Variants in GPR39 observed in about 807,000 individuals in gnomAD.
GPR39 encodes zinc sensing receptor.
In GPR39, 23 loss-of-function variants were observed where a neutral mutation model predicts 18.4. That is an observed-to-expected ratio of 1.25 (90% CI 0.90 to 1.77). The LOEUF (loss-of-function observed/expected upper bound fraction) is 1.77. Among genes scored for constraint, GPR39 ranks in the 40% most tolerant of loss-of-function variants. GPR39 has a pLI of 0.00. For missense variants in GPR39, 647 were observed against 602.4 expected, an observed-to-expected ratio of 1.07 and a Z score of -0.78; for synonymous variants, 280 against 257.9, an observed-to-expected ratio of 1.09 and a Z score of -0.82.
intron 1 of GPR39, among the ~76,000 whole-genome samples, chr2:132,620,872 C>T (rs1353509494): frequency 6.6e-6 from 1 of 152,194 alleles, no homozygotes; most frequent in African/African-American, 2.4e-5. Flanking sequence ...CCTGCCTCAG[C>T]CTCCCAAGTA....
intron 1 of GPR39, among the ~76,000 whole-genome samples, chr2:132,443,712 A>G (rs939086731): frequency 2.6e-5 from 4 of 152,204 alleles, no homozygotes; most frequent in Non-Finnish European, 5.9e-5. Flanking sequence ...TGATTAGTCA[A>G]TTTGCTGATC....
chr2:132,531,771 G>C (rs1057094993), intron 1 of GPR39, among the ~76,000 whole-genome samples: 1 of 152,130 alleles, frequency 6.6e-6, no homozygotes, highest in Non-Finnish European at 1.5e-5. Context: ...ACAAAATGAA[G>C]GCAGAAATAA....
chr2:132,493,060 C>T (rs62645269), intron 1 of GPR39, among the ~76,000 whole-genome samples: 1,121 of 38,428 alleles, frequency 0.029, 18 homozygotes, highest in African/African-American at 0.074. Context: ...ACCATATATA[C>T]ACCATATATA....
rs1281855058 is a variant in GPR39 at position 132,645,987 on chromosome 2, G to T, written c.*381G>T. Reference sequence around the variant, plus strand: ...AGAAGAAACTCACTCAGGGAGGTGGGGGGTTGGGGGCGAGGGCTGGAAGAA... The same window carrying T: ...AGAAGAAACTCACTCAGGGAGGTGGTGGGTTGGGGGCGAGGGCTGGAAGAA... On this transcript the variant is annotated 3_prime_UTR_variant, in exon 2 of 2. Transcript: ENST00000329321. The T allele has an allele frequency of 7.6e-7, 1 of 1,322,298 alleles. No homozygotes were observed. Among genetic ancestry groups the T allele is most frequent in the African/African-American group, 1.5e-5 (1 of 67,086 alleles). The allele number at this position is 1,322,298 out of a possible 1,614,324, so 81.9% of individuals were successfully genotyped here. A position where few individuals can be genotyped will look rare whatever the true frequency, so the allele number is the denominator to read the frequency against.
At chr2:132,529,443 C>T (rs1289829953) in intron 1 of GPR39, among the ~76,000 whole-genome samples, 1 of 152,230 alleles carries the variant, frequency 6.6e-6, no homozygotes, top group African/African-American at 2.4e-5. Context: ...CACAGACAAA[C>T]AAAAGGCAGC....
chr2:132,565,084 G>A (rs924532719), intron 1 of GPR39, among the ~76,000 whole-genome samples: 1 of 151,990 alleles, frequency 6.6e-6, no homozygotes, highest in Admixed American at 6.6e-5. Flanking sequence ...CTCCCAAAGT[G>A]CTGGGATTAC....
chr2:132,527,051 T>G (rs1679527180), intron 1 of GPR39, among the ~76,000 whole-genome samples: 1 of 152,120 alleles, frequency 6.6e-6, no homozygotes, highest in African/African-American at 2.4e-5. Flanking sequence ...GTCATCTAGG[T>G]TTTAAGCCCC....
chr2:132,513,196 T>A (rs1679270529), intron 1 of GPR39, among the ~76,000 whole-genome samples: 1 of 152,184 alleles, frequency 6.6e-6, no homozygotes, highest in Non-Finnish European at 1.5e-5. Flanking sequence ...TTGCAAGACT[T>A]CTTATGGCCT....
At chr2:132,636,609 G>T (rs2104875319) in intron 1 of GPR39, among the ~76,000 whole-genome samples, 1 of 152,316 alleles carries the variant, frequency 6.6e-6, no homozygotes, top group East Asian at 1.9e-4. Flanking sequence ...TGGACTCATG[G>T]GCTGTGTAAA....
rs776568492 is a variant in GPR39, at chr2:132,417,645, G to A, written c.603G>A (p.Gln201=). The A allele has an allele frequency of 5.0e-6, 8 of 1,614,052 alleles. No homozygotes were observed. Among genetic ancestry groups the A allele is most frequent in the Non-Finnish European group, 6.8e-6 (8 of 1,180,008 alleles). Residue 201 remains glutamine (Q), a synonymous_variant, in exon 1 of 2, where the codon CAG becomes CAA. Coordinates refer to ENST00000329321, the MANE Select transcript of GPR39 (RefSeq NM_001508.3). ...CNRSSTRHHE[Q]PETSNMSICT... ...GCTCCAGCACCCGCCACCACGAGCA[G>A]CCCGAGACCTCCAATATGTCCATCT...
chr2:132,433,801 A>T (rs1035345156), intron 1 of GPR39: 6 of 150,030 alleles, frequency 4.0e-5, no homozygotes, highest in Non-Finnish European at 8.9e-5. Context: ...TTTTTGCAGA[A>T]TAGTTTTTTA....
intron 1 of GPR39, among the ~76,000 whole-genome samples, chr2:132,513,774 C>T (rs1341138894): frequency 6.6e-6 from 1 of 152,200 alleles, no homozygotes; most frequent in Non-Finnish European, 1.5e-5. Flanking sequence ...TGCAGTGGTG[C>T]ATTCACAGCT....
chr2:132,645,435 G>A lies in GPR39; in HGVS notation c.1191G>A (p.Arg397=), dbSNP rs140169954. Residue 397 remains arginine, a synonymous_variant, in exon 2 of 2, where the codon CGG becomes CGA. Coordinates refer to ENST00000329321, the MANE Select transcript of GPR39 (RefSeq NM_001508.3). ...AGCGCCCGTTGCTCTTCGCGTCCCGGCGCCAGTCCTCTGCAAGGAGAACTG... is the reference window on the plus strand; with the variant it reads ...AGCGCCCGTTGCTCTTCGCGTCCCGACGCCAGTCCTCTGCAAGGAGAACTG... ...FVQRPLLFAS[R]RQSSARRTEK... is the part of the protein sequence containing the mutation. 104 of 1,613,598 alleles carry A rather than the reference G, an allele frequency of 6.4e-5. No individual in the cohort carries two copies. The African/African-American group carries it at 1.2e-3, about 19-fold the overall frequency.
In GPR39 at chr2:132,459,897, A is replaced by G. The variant is rs1312275286; in HGVS notation, c.856+41999A>G. Among the ~76,000 whole-genome samples, 5 of 152,178 alleles carry G rather than the reference A, an allele frequency of 3.3e-5. No homozygotes were observed. In the East Asian group the frequency reaches 5.8e-4, roughly 18 times the overall value. The stretch of plus-strand genomic sequence containing the variant: ...AGATCAGTGATCCTTCCAAAACGAT[A>G]CCTGCTAGTTACAGCCTTTGGGATC... On this transcript the variant is annotated intron_variant, in intron 1 of 1. Coordinates refer to ENST00000329321, the MANE Select transcript of GPR39 (RefSeq NM_001508.3).
At chr2:132,636,637 A>T (rs115231760) in intron 1 of GPR39, among the ~76,000 whole-genome samples, 428 of 152,184 alleles carry the variant, frequency 2.8e-3, no homozygotes, top group African/African-American at 9.5e-3. Flanking sequence ...ACCTCCTTCC[A>T]CTTCTCTGGG....
chr2:132,528,164 C>T (rs902411682), intron 1 of GPR39, among the ~76,000 whole-genome samples: 4 of 152,184 alleles, frequency 2.6e-5, no homozygotes, highest in Non-Finnish European at 5.9e-5. Flanking sequence ...TGAGTTTTCC[C>T]AGTACCACTT....
rs553285672 is a variant in GPR39 at position 132,614,320 on chromosome 2, C to T, written c.857-30781C>T. 6.6e-5 allele frequency among the ~76,000 whole-genome samples: 10 copies of T among 152,048 alleles called. No individual in the cohort carries two copies. In the South Asian group the frequency reaches 1.9e-3, roughly 28 times the overall value. ...CTCCCGGGTTCAAGCGATTCTCCTGCCTCGGCCTCTCAAGTAGCTGGGACT... is the reference window on the plus strand; with the variant it reads ...CTCCCGGGTTCAAGCGATTCTCCTGTCTCGGCCTCTCAAGTAGCTGGGACT... On this transcript the variant is annotated intron_variant, in intron 1 of 1. Transcript: ENST00000329321.
intron 1 of GPR39, among the ~76,000 whole-genome samples, chr2:132,643,540 G>C (rs7603894): frequency 0.59 from 89,144 of 152,080 alleles, 28,032 homozygotes; most frequent in African/African-American, 0.82. Flanking sequence ...TATTGAGACA[G>C]TTTCACTCTG....
chr2:132,468,937 C>A (rs182883689), intron 1 of GPR39, among the ~76,000 whole-genome samples: 1 of 152,318 alleles, frequency 6.6e-6, no homozygotes, highest in East Asian at 1.9e-4. Flanking sequence ...AATGATTTTT[C>A]CCCACAATGT....
Sources: gnomAD v4.1 joint callset for allele counts (sites outside exome capture counted in the v4.1 genomes callset) on GRCh38, gnomAD v4.1.1 for gene constraint, MANE v1.5 for transcripts, NCBI Gene and HGNC (gene_info 2026-07-23, HGNC 2026-07-21) for gene names.